Variants in PCDHAC2 observed in about 807,000 individuals in gnomAD.
The protein encoded by PCDHAC2 is protocadherin alpha-C2.
PCDHAC2 carries 24 observed loss-of-function variants against 63.3 expected under a neutral mutation model. The observed-to-expected ratio is 0.38, with a 90% CI of 0.27 to 0.53. PCDHAC2 has a LOEUF of 0.53. PCDHAC2 is among the 20% of genes least tolerant of loss of function. PCDHAC2 has a pLI of 0.81. For missense variants in PCDHAC2, 1,181 were observed against 1,275.2 expected (o/e 0.93, Z 1.12); for synonymous variants, 569 against 529.4 (o/e 1.07, Z -1.03).
chr5:140,991,534 T>C (rs1393603513), intron 3 of PCDHAC2, among the ~76,000 whole-genome samples: 1 of 152,236 alleles, frequency 6.6e-6, no homozygotes, highest in African/African-American at 2.4e-5. Context: ...CTTGCCACTA[T>C]ATAACAAGGA....
rs149179821 is a variant in PCDHAC2 at position 141,012,224 on chromosome 5, C to T, written c.*2287C>T. 2 of 153,832 alleles carry T rather than the reference C, an allele frequency of 1.3e-5. No homozygotes were observed. Among genetic ancestry groups the T allele is most frequent in the East Asian group, 3.9e-4 (2 of 5,184 alleles). 9.5% of individuals were successfully genotyped at this position (153,832 alleles called of 1,614,324 possible). On this transcript the variant is annotated 3_prime_UTR_variant, in exon 4 of 4. Coordinates refer to ENST00000289269, the MANE Select transcript of PCDHAC2 (RefSeq NM_018899.6). ...CTTTTTACATTTGCGAAGTGCTTTC[C>T]AATCCATGTTAGTTACTAGTTATTA...
At chr5:140,990,429 C>A (rs2097393514) in intron 3 of PCDHAC2, among the ~76,000 whole-genome samples, 1 of 152,144 alleles carries the variant, frequency 6.6e-6, no homozygotes, top group African/African-American at 2.4e-5. Context: ...CAGCATTGAC[C>A]CAATCTTGTG....
intron 1 of PCDHAC2, among the ~76,000 whole-genome samples, chr5:140,973,346 T>C (rs1554235179): frequency 1.3e-5 from 2 of 152,198 alleles, no homozygotes; most frequent in Non-Finnish European, 2.9e-5. Flanking sequence ...AGTGACATAG[T>C]AGTGAATTTA....
At position 140,967,914 on chromosome 5, in the gene PCDHAC2, T is replaced by C. The variant is rs1376293284; in HGVS notation, c.1148T>C (p.Ile383Thr). Residue 383 changes from isoleucine (I) to threonine (T), a missense_variant, in exon 1 of 4, where the codon ATT becomes ACT. Physicochemically the swap from Ile to Thr is moderately conservative, Grantham distance 89. Around this residue, in one of 3 missense-constraint regions of PCDHAC2, gnomAD observed 968 missense variants for 1,073.5 expected, o/e 0.90. Coordinates refer to ENST00000289269, the MANE Select transcript of PCDHAC2 (RefSeq NM_018899.6). ...PVPENATPNTIVAVLSVNDQD... is the reference protein window; with the variant it reads ...PVPENATPNTTVAVLSVNDQD... ...CCTGAGAATGCTACACCCAACACCA[T>C]TGTGGCCGTTCTCAGTGTCAATGAC... 1.2e-5 allele frequency: 20 copies of C among 1,614,060 alleles called. No individual in the cohort carries two copies. The highest frequency in any genetic ancestry group is 3.3e-5 in the South Asian group (3 of 91,086).
intron 3 of PCDHAC2, among the ~76,000 whole-genome samples, chr5:140,997,092 A>C (rs2097758868): frequency 6.6e-6 from 1 of 152,160 alleles, no homozygotes; most frequent in South Asian, 2.1e-4. Flanking sequence ...GAAAGTGCAG[A>C]GTTCTCATGC....
rs782025005 is a variant in PCDHAC2 at position 140,982,513 on chromosome 5, G to C, written c.2663G>C (p.Gly888Ala). 83 of 1,614,076 alleles carry C rather than the reference G, an allele frequency of 5.1e-5. No homozygotes were observed. The highest frequency in any genetic ancestry group is 6.4e-5 in the Non-Finnish European group (75 of 1,180,040). ...GAGGAGGCTGGCATTCTACGGGCTG[G>C]TCCAGGAGGGCCTGATCAGCAGTGG... The part of the protein sequence containing the change: ...HLEEAGILRA[G>A]PGGPDQQWPT... The change falls in exon 3 of 4, where the codon GGT becomes GCT. Residue 888 changes from glycine (G) to alanine (A), a missense_variant. Transcript: ENST00000289269.
chr5:141,000,926 G>T (rs1554257936), intron 3 of PCDHAC2, among the ~76,000 whole-genome samples: 1 of 151,956 alleles, frequency 6.6e-6, no homozygotes, highest in Non-Finnish European at 1.5e-5. Flanking sequence ...AAAATCCTGT[G>T]TGATTTAGGA....
chr5:140,975,630 G>A (rs182087841), intron 1 of PCDHAC2, among the ~76,000 whole-genome samples: 16 of 152,316 alleles, frequency 1.1e-4, no homozygotes, highest in Admixed American at 3.3e-4. Flanking sequence ...TCCATGGTAC[G>A]AAGATAGCAT....
At chr5:140,981,748 G>C (rs975887463) in intron 2 of PCDHAC2, among the ~76,000 whole-genome samples, 28 of 151,686 alleles carry the variant, frequency 1.8e-4, no homozygotes, top group African/African-American at 6.8e-4. Context: ...ATATGAGTTA[G>C]TATTAGACAT....
intron 1 of PCDHAC2, among the ~76,000 whole-genome samples, chr5:140,973,691 T>C (rs1420618979): frequency 6.6e-6 from 1 of 152,224 alleles, no homozygotes; most frequent in Non-Finnish European, 1.5e-5. Context: ...GGCCTACTGT[T>C]TCCTTCTGAC....
At chr5:140,989,657 A>G (rs1045043697) in intron 3 of PCDHAC2, among the ~76,000 whole-genome samples, 7 of 152,228 alleles carry the variant, frequency 4.6e-5, no homozygotes, top group African/African-American at 1.7e-4. Flanking sequence ...CAATATTTTA[A>G]AAGAAACTCT....
At chr5:141,004,213 GGTCA>G (rs3842022) in intron 3 of PCDHAC2, among the ~76,000 whole-genome samples, 2 of 152,208 alleles carry the variant, frequency 1.3e-5, no homozygotes, top group East Asian at 3.8e-4. Context: ...CAGATTAGGA[GGTCA>G]GTCAGTGTTT....
chr5:140,976,287 AAGCCTGTAATCCC>A (rs1253731489), intron 1 of PCDHAC2, among the ~76,000 whole-genome samples: 3 of 152,196 alleles, frequency 2.0e-5, no homozygotes, highest in Admixed American at 6.5e-5. Flanking sequence ...ACAGTGGCTC[AAGCCTGTAATCCC>A]AGCACTTTGG....
chr5:141,007,654 C>G (rs1461130528), intron 3 of PCDHAC2, among the ~76,000 whole-genome samples: 1 of 152,052 alleles, frequency 6.6e-6, no homozygotes, highest in Non-Finnish European at 1.5e-5. Flanking sequence ...CCTAAAAAAC[C>G]ATAAATTTAC....
rs186179297 is a variant in PCDHAC2, at chr5:140,987,139, G to A, written c.2713+4576G>A. Among the ~76,000 whole-genome samples the A allele has an allele frequency of 5.1e-4, 78 of 151,932 alleles. 3 individuals are homozygous for A. The East Asian group carries it at 0.014, about 28-fold the overall frequency. On this transcript the variant is annotated intron_variant, in intron 3 of 3. Transcript: ENST00000289269. The stretch of plus-strand genomic sequence containing the variant: ...TGAGGCAGGAGAATTGCTTGAACTC[G>A]GGAGGTGGAGGTTGCAGTGAGCTGA...
chr5:140,972,512 C>T (rs1586536091), intron 1 of PCDHAC2, among the ~76,000 whole-genome samples: 1 of 152,018 alleles, frequency 6.6e-6, no homozygotes, highest in Non-Finnish European at 1.5e-5. Context: ...GATTTTACCC[C>T]CAGTGAGCTT....
intron 1 of PCDHAC2, among the ~76,000 whole-genome samples, chr5:140,970,860 C>T (rs2096438853): frequency 6.6e-6 from 1 of 152,054 alleles, no homozygotes; most frequent in Non-Finnish European, 1.5e-5. Context: ...AAGTTCCATT[C>T]CTGATTGAGA....
chr5:140,966,556 A>C lies in PCDHAC2; in HGVS notation c.-211A>C, dbSNP rs2096021446. The stretch of plus-strand genomic sequence containing the variant: ...TGAGCGACTCGGAGGCGAGCGGAGG[A>C]GCTGGAATATGGGGAGTCAGCGAGG... On this transcript the variant is annotated 5_prime_UTR_variant, in exon 1 of 4. Coordinates refer to ENST00000289269, the MANE Select transcript of PCDHAC2 (RefSeq NM_018899.6). 8.5e-6 allele frequency: 4 copies of C among 469,720 alleles called. No individual in the cohort carries two copies. Among genetic ancestry groups the C allele is most frequent in the Admixed American group, 8.7e-5 (2 of 23,094 alleles). 29.1% of individuals were successfully genotyped at this position (469,720 alleles called of 1,614,324 possible).
chr5:140,997,132 C>A (rs1189394609), intron 3 of PCDHAC2, among the ~76,000 whole-genome samples: 1 of 152,076 alleles, frequency 6.6e-6, no homozygotes, highest in Non-Finnish European at 1.5e-5. Flanking sequence ...CACAATGCCC[C>A]CACACCCCCG....
Sources: allele counts gnomAD v4.1 joint callset (sites outside exome capture counted in the v4.1 genomes callset), GRCh38; gene constraint gnomAD v4.1.1; regional missense constraint gnomAD v4.1.1; transcripts MANE v1.5; gene names NCBI Gene and HGNC (gene_info 2026-07-23, HGNC 2026-07-21).